Variants in MSMO1 observed in about 807,000 individuals in gnomAD.
MSMO1 encodes the protein methylsterol monooxygenase 1.
In MSMO1, 18 loss-of-function variants were observed where a neutral mutation model predicts 30.4. The observed-to-expected ratio is 0.59, with a 90% confidence interval of 0.41 to 0.88. The LOEUF (loss-of-function observed/expected upper bound fraction) is 0.88, where lower values mean the gene tolerates loss of function less well. MSMO1 is among the 40% of genes least tolerant of loss of function. The pLI is 0.00. For synonymous variants in MSMO1, 84 were observed against 107.9 expected, an observed-to-expected ratio of 0.78 and a Z score of 1.37; for missense variants, 284 against 340.5, an observed-to-expected ratio of 0.83 and a Z score of 1.31.
chr4:165,332,610 G>C (rs1747430492), intron 1 of MSMO1, among the ~76,000 whole-genome samples: 1 of 152,150 alleles, frequency 6.6e-6, no homozygotes, highest in Admixed American at 6.5e-5. Context: ...GGTCATGCCT[G>C]TTCTCTCACC....
intron 1 of MSMO1, 106 bp from the exon 2 acceptor site, chr4:165,333,234 C>A (rs1747447463): frequency 2.1e-6 from 2 of 930,518 alleles, no homozygotes; most frequent in South Asian, 1.9e-5. Flanking sequence ...ATTTATACTC[C>A]TTTAGTAATT....
intron 2 of MSMO1, among the ~76,000 whole-genome samples, chr4:165,336,200 AAAAAGT>A: frequency 6.6e-6 from 1 of 151,670 alleles, no homozygotes; most frequent in South Asian, 2.1e-4. Flanking sequence ...CACAGGAATG[AAAAAGT>A]AAAGCAGACT....
At chr4:165,337,695 A>G (rs545696843) in intron 2 of MSMO1, 94 bp from the exon 3 acceptor site, 1 of 1,268,444 alleles carries the variant, frequency 7.9e-7, no homozygotes, top group Admixed American at 1.8e-5. Context: ...TAACTGACGT[A>G]GAATTAAGGT....
intron 3 of MSMO1, among the ~76,000 whole-genome samples, chr4:165,338,304 GTGTATATATATA>G (rs878896783): frequency 0.062 from 6,343 of 101,784 alleles, 225 homozygotes; most frequent in Non-Finnish European, 0.11. Context: ...AAATATGTAT[GTGTATATATATA>G]TATATATATA....
At chr4:165,328,725 C>T (rs1457374020) in intron 1 of MSMO1, among the ~76,000 whole-genome samples, 6 of 152,318 alleles carry the variant, frequency 3.9e-5, no homozygotes, top group African/African-American at 1.4e-4. Context: ...CCTTGTTTCC[C>T]CTCTCCTCTT....
At chr4:165,340,704 C>G (rs751829253) in intron 5 of MSMO1, 55 of 314,422 alleles carry the variant, frequency 1.7e-4, no homozygotes, top group Non-Finnish European at 2.8e-4. Context: ...ATAAGACTTT[C>G]TAATCTCTAC....
At chr4:165,329,574 C>CA (rs373961662) in intron 1 of MSMO1, among the ~76,000 whole-genome samples, 4,047 of 89,370 alleles carry the variant, frequency 0.045, 108 homozygotes, top group Middle Eastern at 0.083. Flanking sequence ...AAATAAACTC[C>CA]AAAAAAAAAA....
At position 165,341,925 on chromosome 4, in the gene MSMO1, G is replaced by GT; in HGVS notation, c.864dup (p.Glu289Ter). Reference sequence around the variant, plus strand: ...ATGCCTATAATGAAAAGAGGAAGAAGTTTGAGAAAAAGACTGAATAAATAT... The same window carrying GT: ...ATGCCTATAATGAAAAGAGGAAGAAGTTTTGAGAAAAAGACTGAATAAATAT... On this transcript the variant is annotated frameshift_variant, in exon 6 of 6. Coordinates refer to ENST00000261507, the MANE Select transcript of MSMO1 (RefSeq NM_006745.5). LOFTEE classifies it high-confidence loss of function. The GT allele has an allele frequency of 1.9e-6, 3 of 1,612,166 alleles. No homozygotes were observed. The highest frequency in any genetic ancestry group is 2.5e-6 in the Non-Finnish European group (3 of 1,178,818).
Position 165,340,156 on chromosome 4 carries a change from T to G in MSMO1, c.532-65T>G. ...AGTTGGATATCATAGCCTAGCCAAG[T>G]TGACACATAAAATTGACCATCACAA... On this transcript the variant is annotated intron_variant, in intron 4 of 5. Transcript: ENST00000261507. The G allele has an allele frequency of 2.8e-6, 4 of 1,443,994 alleles. No individual in the cohort carries two copies. The Admixed American group carries it at 5.2e-5, about 19-fold the overall frequency. The allele number at this position is 1,443,994 out of a possible 1,614,324, so 89.4% of individuals were successfully genotyped here.
At chr4:165,330,179 C>A (rs149511839) in intron 1 of MSMO1, among the ~76,000 whole-genome samples, 2 of 152,212 alleles carry the variant, frequency 1.3e-5, no homozygotes, top group Admixed American at 6.5e-5. Flanking sequence ...ATTTGTTAAG[C>A]ATTAACTTAA....
In MSMO1 at chr4:165,338,785, G is replaced by A. The variant is rs1747633861; in HGVS notation, c.531+7G>A. On this transcript the variant is annotated splice_region_variant and intron_variant, in intron 4 of 5. Transcript: ENST00000261507. ...AGTTCATCATGAGTTTCAGGTATGT[G>A]AGAGTTATATTTAATTCTTTCTGTT... The A allele has an allele frequency of 6.3e-7, 1 of 1,578,834 alleles. No individual in the cohort carries two copies. Among genetic ancestry groups the A allele is most frequent in the Non-Finnish European group, 8.7e-7 (1 of 1,149,550 alleles).
chr4:165,339,157 T>C (rs1393481691), intron 4 of MSMO1, among the ~76,000 whole-genome samples: 5 of 130,686 alleles, frequency 3.8e-5, no homozygotes, highest in Non-Finnish European at 6.3e-5. Context: ...CAGGCTGGAC[T>C]GCAATGGCAT....
intron 5 of MSMO1, 100 bp downstream of exon 5, chr4:165,340,475 T>A: frequency 1.0e-6 from 1 of 978,592 alleles, no homozygotes; most frequent in Non-Finnish European, 1.6e-6. Context: ...TAGGAGAAGT[T>A]AATCTTCTTA....
intron 1 of MSMO1, among the ~76,000 whole-genome samples, chr4:165,329,249 A>G (rs2126613557): frequency 6.6e-6 from 1 of 151,800 alleles, no homozygotes; most frequent in South Asian, 2.1e-4. Context: ...CCCTCCCTTG[A>G]CCCTCTCTCC....
intron 1 of MSMO1, among the ~76,000 whole-genome samples, chr4:165,330,453 CCTA>C (rs1747359251): frequency 6.6e-6 from 1 of 151,956 alleles, no homozygotes; most frequent in Non-Finnish European, 1.5e-5. Context: ...CATTGGAAGA[CCTA>C]CTGTTTTAAT....
intron 2 of MSMO1, among the ~76,000 whole-genome samples, chr4:165,337,260 G>T (rs1747578721): frequency 6.6e-6 from 1 of 152,144 alleles, no homozygotes; most frequent in Non-Finnish European, 1.5e-5. Context: ...ACTTGAATCT[G>T]TGAACTCCAT....
chr4:165,333,741 C>T, intron 2 of MSMO1, 116 bp downstream of exon 2: 3 of 1,132,160 alleles, frequency 2.6e-6, no homozygotes, highest in Non-Finnish European at 3.6e-6. Context: ...AAATATGAAG[C>T]CACGTATGTA....
chr4:165,337,102 C>G (rs1195315765), intron 2 of MSMO1, among the ~76,000 whole-genome samples: 5 of 152,170 alleles, frequency 3.3e-5, no homozygotes, highest in African/African-American at 4.8e-5. Flanking sequence ...GCCCAAAGCA[C>G]TTTTTTAAGT....
rs188890480 is a variant in MSMO1, at chr4:165,337,909, C to G, written c.376C>G (p.Pro126Ala). 717 of 1,613,390 alleles carry G rather than the reference C, an allele frequency of 4.4e-4. 8 individuals carry two copies. The East Asian group carries it at 0.013, about 30-fold the overall frequency. Residue 126 changes from proline (P) to alanine (A), a missense_variant, in exon 3 of 6, where the codon CCT becomes GCT. Coordinates refer to ENST00000261507, the MANE Select transcript of MSMO1 (RefSeq NM_006745.5). ...TYYFTEYFNI[P>A]YDWERMPRWY... ...TTATTTTACAGAGTATTTCAATATT[C>G]CTTATGATTGGGAAAGAATGCCAAG... is the stretch of plus-strand genomic sequence containing the variant.
Sources: gnomAD v4.1 joint callset for allele counts (sites outside exome capture counted in the v4.1 genomes callset) on GRCh38, gnomAD v4.1.1 for gene constraint, MANE v1.5 for transcripts, NCBI Gene and HGNC (gene_info 2026-07-23, HGNC 2026-07-21) for gene names.